Variants in MAP7 observed in about 807,000 individuals in gnomAD.
MAP7 encodes ensconsin.
MAP7 carries 52 observed loss-of-function variants against 94.8 expected under a neutral mutation model. The ratio of observed to expected loss-of-function variants is 0.55; its 90% CI spans 0.44 to 0.69. The LOEUF (loss-of-function observed/expected upper bound fraction) is 0.69, where lower values mean the gene tolerates loss of function less well. MAP7 is among the 30% of genes least tolerant of loss of function. The pLI, the probability that MAP7 is intolerant of heterozygous loss-of-function variation, is 0.00. For missense variants in MAP7, 940 were observed against 964.6 expected (o/e 0.97, Z 0.34); for synonymous variants, 350 against 357.0 (o/e 0.98, Z 0.22).
At chr6:136,457,192 G>A (rs1268938474) in intron 1 of MAP7, among the ~76,000 whole-genome samples, 1 of 151,310 alleles carries the variant, frequency 6.6e-6, no homozygotes, top group Non-Finnish European at 1.5e-5. Flanking sequence ...TAACAAGCTG[G>A]AAAACCTAAA....
chr6:136,412,898 C>T (rs572007504), intron 2 of MAP7, among the ~76,000 whole-genome samples: 1 of 152,304 alleles, frequency 6.6e-6, no homozygotes, highest in Non-Finnish European at 1.5e-5. Context: ...CGGTGGCTCA[C>T]ACCTGTAATC....
chr6:136,353,720 A>AT (rs1255928231), intron 16 of MAP7, among the ~76,000 whole-genome samples: 1 of 151,776 alleles, frequency 6.6e-6, no homozygotes, highest in African/African-American at 2.4e-5. Flanking sequence ...TGCCTGGCTA[A>AT]TTTTTGTATT....
chr6:136,549,901 C>A lies in MAP7; in HGVS notation c.67+441G>T, dbSNP rs1241062523. Among the ~76,000 whole-genome samples, 7 of 152,308 alleles carry A rather than the reference C, an allele frequency of 4.6e-5. No homozygotes were observed. In the East Asian group the frequency reaches 1.2e-3, roughly 25 times the overall value. The stretch of plus-strand genomic sequence containing the variant: ...CGGCACCCGGGGCGACCAGGGAAGG[C>A]GGGAGGAGGTGCCCAGAAACTGCTC... On this transcript the variant is annotated intron_variant, in intron 1 of 17. Transcript: ENST00000354570.
At chr6:136,542,284 C>A (rs574456106) in intron 1 of MAP7, among the ~76,000 whole-genome samples, 53 of 152,196 alleles carry the variant, frequency 3.5e-4, no homozygotes, top group Non-Finnish European at 5.9e-4. Context: ...ACGAGACAAA[C>A]CCTAAAACTG....
intron 1 of MAP7, among the ~76,000 whole-genome samples, chr6:136,524,917 A>G (rs1382378293): frequency 6.6e-6 from 1 of 152,264 alleles, no homozygotes; most frequent in Non-Finnish European, 1.5e-5. Flanking sequence ...AGCACATAAA[A>G]GCAAGAAAAC....
chr6:136,414,805 C>G (rs910827778), intron 2 of MAP7, among the ~76,000 whole-genome samples: 2 of 146,384 alleles, frequency 1.4e-5, no homozygotes, highest in South Asian at 2.1e-4. Context: ...CCACAATCAG[C>G]TAATTTTTTT....
chr6:136,518,233 G>A (rs1279593227), intron 1 of MAP7, among the ~76,000 whole-genome samples: 1 of 152,080 alleles, frequency 6.6e-6, no homozygotes, highest in East Asian at 1.9e-4. Context: ...ATATATTCAA[G>A]ATCAAAACTG....
At chr6:136,439,563 C>T (rs928772515) in intron 1 of MAP7, among the ~76,000 whole-genome samples, 3 of 152,202 alleles carry the variant, frequency 2.0e-5, no homozygotes, top group Non-Finnish European at 4.4e-5. Flanking sequence ...AATAACGCCA[C>T]ACTGCTCCTA....
At chr6:136,365,296 C>G (rs1582684224) in intron 10 of MAP7, among the ~76,000 whole-genome samples, 1 of 152,196 alleles carries the variant, frequency 6.6e-6, no homozygotes, top group Non-Finnish European at 1.5e-5. Flanking sequence ...GCCCCACCCT[C>G]TATCTTCAAA....
At chr6:136,402,819 T>C (rs1462345106) in intron 3 of MAP7, among the ~76,000 whole-genome samples, 5 of 137,012 alleles carry the variant, frequency 3.6e-5, no homozygotes, top group African/African-American at 1.4e-4. Context: ...GGCAGGAGAA[T>C]GGCGTGAACC....
At chr6:136,442,261 C>G (rs181265374) in intron 1 of MAP7, among the ~76,000 whole-genome samples, 1 of 149,628 alleles carries the variant, frequency 6.7e-6, no homozygotes, top group African/African-American at 2.5e-5. Context: ...AAAAATTAGC[C>G]GGACATGGTG....
At chr6:136,525,222 A>G (rs1827492977) in intron 1 of MAP7, among the ~76,000 whole-genome samples, 1 of 152,204 alleles carries the variant, frequency 6.6e-6, no homozygotes, top group African/African-American at 2.4e-5. Flanking sequence ...CAACTGCCAT[A>G]CACGAATTCA....
intron 3 of MAP7, among the ~76,000 whole-genome samples, chr6:136,409,672 G>A (rs1248422824): frequency 6.6e-6 from 1 of 152,176 alleles, no homozygotes; most frequent in Non-Finnish European, 1.5e-5. Flanking sequence ...GGCTGGTTTA[G>A]GCACCTCTAC....
At chr6:136,528,255 G>A (rs758223219) in intron 1 of MAP7, among the ~76,000 whole-genome samples, 1 of 152,130 alleles carries the variant, frequency 6.6e-6, no homozygotes, top group African/African-American at 2.4e-5. Flanking sequence ...AAGGGAGGAC[G>A]CATATAAGAT....
chr6:136,444,970 T>C (rs1237322173), intron 1 of MAP7, among the ~76,000 whole-genome samples: 1 of 152,222 alleles, frequency 6.6e-6, no homozygotes, highest in Non-Finnish European at 1.5e-5. Flanking sequence ...AGGTGAGATG[T>C]GTCGACTAAC....
intron 1 of MAP7, among the ~76,000 whole-genome samples, chr6:136,472,819 C>G (rs999370348): frequency 2.0e-4 from 31 of 151,660 alleles, no homozygotes; most frequent in Non-Finnish European, 8.8e-5. Flanking sequence ...TATAACTTGT[C>G]AGATTAGTCT....
intron 1 of MAP7, among the ~76,000 whole-genome samples, chr6:136,483,308 T>G (rs1813521184): frequency 6.6e-6 from 1 of 151,808 alleles, no homozygotes; most frequent in South Asian, 2.1e-4. Flanking sequence ...TCACTCACAT[T>G]GAGTACACAT....
At chr6:136,419,861 A>AT in intron 2 of MAP7, 1 of 423,060 alleles carries the variant, frequency 2.4e-6, no homozygotes, top group Non-Finnish European at 4.5e-6. Flanking sequence ...TTTTTGTCAC[A>AT]TATTAAAGCT....
intron 1 of MAP7, chr6:136,466,617 TA>T (rs1221710886): frequency 0.034 from 17,184 of 510,540 alleles, 27 homozygotes; most frequent in South Asian, 0.041. Flanking sequence ...AAACAATGAT[TA>T]AAAAAAAAAA....
Sources: gnomAD v4.1 joint callset for allele counts (sites outside exome capture counted in the v4.1 genomes callset) on GRCh38, gnomAD v4.1.1 for gene constraint, MANE v1.5 for transcripts, NCBI Gene and HGNC (gene_info 2026-07-23, HGNC 2026-07-21) for gene names.